The following CDH23 variants were observed in gnomAD, a reference collection of about 807,000 sequenced individuals.
CDH23 encodes the protein cadherin related 23, also known as cadherin-23.
A neutral mutation model predicts 317.1 loss-of-function variants in CDH23; 189 were observed. The ratio of observed to expected loss-of-function variants is 0.60; its 90% CI spans 0.53 to 0.67. The LOEUF (loss-of-function observed/expected upper bound fraction) is 0.67. Among genes scored for constraint, CDH23 ranks in the 30% least tolerant of loss-of-function variants. The probability of loss-of-function intolerance (pLI) is 0.00; values close to 1 mark genes in which losing one functional copy is unlikely to be tolerated. For missense variants in CDH23, 4,401 were observed against 4,592.4 expected (o/e 0.96, Z 1.20); for synonymous variants, 1,839 against 1,876.8 (o/e 0.98, Z 0.52).
chr10:71,702,246 C>A (rs186492861), intron 23 of CDH23, 35 bp downstream of exon 23: 3 of 1,597,248 alleles, frequency 1.9e-6, no homozygotes, highest in Admixed American at 1.7e-5. Context: ...GGCCCCCACA[C>A]CTTAGGCTGC....
Position 71,815,370 on chromosome 10 carries a change from C to T in CDH23, c.*92C>T. 8.0e-6 allele frequency: 10 copies of T among 1,246,688 alleles called. No individual in the cohort carries two copies. Among genetic ancestry groups the T allele is most frequent in the East Asian group, 7.7e-5 (3 of 38,736 alleles). The allele number at this position is 1,246,688 out of a possible 1,614,324, so 77.2% of individuals were successfully genotyped here. ...AGGGACAGGGCCGGTCGGGGGGGACCCTCCAAGGCCAGGCCTTGGGGACAA... is the reference window on the plus strand; with the variant it reads ...AGGGACAGGGCCGGTCGGGGGGGACTCTCCAAGGCCAGGCCTTGGGGACAA... On this transcript the variant is annotated 3_prime_UTR_variant, in exon 70 of 70. Transcript: ENST00000224721.
intron 22 of CDH23, among the ~76,000 whole-genome samples, chr10:71,698,898 C>A (rs1350759937): frequency 6.6e-6 from 1 of 152,236 alleles, no homozygotes; most frequent in Non-Finnish European, 1.5e-5. Flanking sequence ...AGCTACACCA[C>A]TTACCAGCTG....
At chr10:71,510,266 A>G (rs1853888325) in intron 4 of CDH23, 42 bp downstream of exon 4, 1 of 1,593,254 alleles carries the variant, frequency 6.3e-7, no homozygotes, top group Non-Finnish European at 8.6e-7. Context: ...TCTCCTGGGG[A>G]CAGGAGGAGA....
chr10:71,680,746 CA>C (rs1234418702), intron 17 of CDH23, among the ~76,000 whole-genome samples: 11 of 15,952 alleles, frequency 6.9e-4, no homozygotes, highest in South Asian at 4.0e-3. Context: ...CACTCCGTCT[CA>C]AAAAAAAAAA....
intron 3 of CDH23, among the ~76,000 whole-genome samples, chr10:71,504,780 A>G (rs1223774935): frequency 6.6e-6 from 1 of 152,222 alleles, no homozygotes; most frequent in Non-Finnish European, 1.5e-5. Flanking sequence ...GCTGACTTAC[A>G]GGCAGTACTT....
At chr10:71,517,565 G>GA (rs1554833447) in intron 6 of CDH23, among the ~76,000 whole-genome samples, 1 of 152,082 alleles carries the variant, frequency 6.6e-6, no homozygotes, top group Non-Finnish European at 1.5e-5. Flanking sequence ...AGCTGGGGGG[G>GA]AGATGCGAGG....
At chr10:71,801,541 G>A (rs943040328) in intron 53 of CDH23, among the ~76,000 whole-genome samples, 1 of 152,106 alleles carries the variant, frequency 6.6e-6, no homozygotes, top group Non-Finnish European at 1.5e-5. Flanking sequence ...TCTGAGGCCA[G>A]CATCTCACCC....
chr10:71,547,969 C>G (rs1405796858), intron 6 of CDH23, among the ~76,000 whole-genome samples: 1 of 152,218 alleles, frequency 6.6e-6, no homozygotes, highest in Admixed American at 6.5e-5. Flanking sequence ...GGAAGAGAGG[C>G]CCCGTGGGGT....
At chr10:71,450,980 A>G (rs1262548036) in intron 3 of CDH23, among the ~76,000 whole-genome samples, 2 of 152,170 alleles carry the variant, frequency 1.3e-5, no homozygotes, top group African/African-American at 4.8e-5. Context: ...GTTTGTCCAA[A>G]GCTGGAATCC....
At chr10:71,474,783 G>A (rs896755590) in intron 3 of CDH23, among the ~76,000 whole-genome samples, 9 of 152,242 alleles carry the variant, frequency 5.9e-5, no homozygotes, top group Admixed American at 4.6e-4. Context: ...AGCACAGACA[G>A]GGGTTGTGCT....
At chr10:71,785,598 T>TCTCGATGCAGCTCACCACC in intron 43 of CDH23, 33 bp from the exon 44 acceptor site, 1 of 1,369,088 alleles carries the variant, frequency 7.3e-7, no homozygotes, top group Non-Finnish European at 1.0e-6. Context: ...AGGGAAAAGG[T>TCTCGATGCAGCTCACCACC]CTCCATGCAG....
chr10:71,710,056 G>T (rs1349708823), intron 27 of CDH23, among the ~76,000 whole-genome samples: 1 of 152,108 alleles, frequency 6.6e-6, no homozygotes, highest in Non-Finnish European at 1.5e-5. Flanking sequence ...ATGATTCAAT[G>T]ATCTCCCGCT....
intron 1 of CDH23, among the ~76,000 whole-genome samples, chr10:71,415,703 T>C (rs1342415231): frequency 2.0e-5 from 3 of 152,218 alleles, no homozygotes; most frequent in African/African-American, 7.2e-5. Context: ...CATATTTTTA[T>C]TGTTGTGAGG....
intron 6 of CDH23, among the ~76,000 whole-genome samples, chr10:71,543,908 C>G (rs1227931141): frequency 6.6e-6 from 1 of 151,964 alleles, no homozygotes; most frequent in Non-Finnish European, 1.5e-5. Flanking sequence ...CCTTGGGCCT[C>G]TTAGAGAGTG....
chr10:71,760,546 G>C (rs749944788), intron 38 of CDH23: 6 of 250,224 alleles, frequency 2.4e-5, no homozygotes, highest in Admixed American at 5.1e-5. Flanking sequence ...ATAGGGGGCT[G>C]GTGGGCAGGG....
intron 17 of CDH23, among the ~76,000 whole-genome samples, chr10:71,681,583 T>C (rs917526075): frequency 6.6e-6 from 1 of 151,610 alleles, no homozygotes; most frequent in Admixed American, 6.6e-5. Flanking sequence ...GTGCCCAGAG[T>C]AGGTGACTGG....
intron 41 of CDH23, among the ~76,000 whole-genome samples, chr10:71,781,218 GA>G (rs1347890616): frequency 7.2e-5 from 11 of 152,124 alleles, no homozygotes; most frequent in African/African-American, 2.7e-4. Context: ...GAGGCTGGGG[GA>G]AAAAACAACA....
At chr10:71,455,589 A>G (rs994945602) in intron 3 of CDH23, among the ~76,000 whole-genome samples, 1 of 152,210 alleles carries the variant, frequency 6.6e-6, no homozygotes, top group African/African-American at 2.4e-5. Flanking sequence ...AGAGACAAAA[A>G]TCCCTGTCCT....
In CDH23 at chr10:71,815,011, GCGCTTC is replaced by G; in HGVS notation, c.9802_9807del (p.Phe3268_Arg3269del). 1 of 1,612,344 alleles carries G rather than the reference GCGCTTC, an allele frequency of 6.2e-7. No homozygotes were observed. Among genetic ancestry groups the G allele is most frequent in the Non-Finnish European group, 8.5e-7 (1 of 1,179,722 alleles). The stretch of plus-strand genomic sequence containing the variant: ...ACCACAGCCCAGGGCAGGGTAGCCT[GCGCTTC>G]CGCCACAAGCCACCAGTGGAGCTCA... On this transcript the variant is annotated inframe_deletion, in exon 70 of 70. Transcript: ENST00000224721.
Sources: allele counts gnomAD v4.1 joint callset (sites outside exome capture counted in the v4.1 genomes callset), GRCh38; gene constraint gnomAD v4.1.1; transcripts MANE v1.5; gene names NCBI Gene and HGNC (gene_info 2026-07-23, HGNC 2026-07-21).